CACNA2D3: variants seen among roughly 807,000 people sequenced by gnomAD.
CACNA2D3 encodes voltage-dependent calcium channel subunit alpha-2/delta-3.
A neutral mutation model predicts 160.6 loss-of-function variants in CACNA2D3; 60 were observed. That is an observed-to-expected ratio of 0.37 (90% confidence interval 0.30 to 0.46). The LOEUF is 0.46. Among genes scored for constraint, CACNA2D3 ranks in the 20% least tolerant of loss-of-function variants. The pLI is 1.00. For missense variants in CACNA2D3, 1,205 were observed against 1,365.0 expected, an observed-to-expected ratio of 0.88 and a Z score of 1.85; for synonymous variants, 558 against 492.9, an observed-to-expected ratio of 1.13 and a Z score of -1.75.
intron 2 of CACNA2D3, among the ~76,000 whole-genome samples, chr3:54,139,013 C>T (rs1281935165): frequency 6.6e-6 from 1 of 152,176 alleles, no homozygotes; most frequent in East Asian, 1.9e-4. Flanking sequence ...GGCCTGGGGT[C>T]TGGACGTCCA....
chr3:54,292,791 G>T (rs995642733), intron 2 of CACNA2D3, among the ~76,000 whole-genome samples: 1 of 152,170 alleles, frequency 6.6e-6, no homozygotes, highest in African/African-American at 2.4e-5. Context: ...GTTAAATATA[G>T]AGTTACCATC....
chr3:54,988,897 C>A (rs1702677982), intron 31 of CACNA2D3, among the ~76,000 whole-genome samples: 1 of 152,204 alleles, frequency 6.6e-6, no homozygotes, highest in African/African-American at 2.4e-5. Context: ...TCAGGCCTGC[C>A]TGTAGCAGAT....
chr3:54,399,676 C>G (rs1699411538), intron 4 of CACNA2D3, among the ~76,000 whole-genome samples: 3 of 27,200 alleles, frequency 1.1e-4, no homozygotes, highest in Non-Finnish European at 2.0e-4. Flanking sequence ...TCTGCCCGTT[C>G]TCAGATCTCC....
chr3:54,883,230 G>T (rs575986194), intron 21 of CACNA2D3, among the ~76,000 whole-genome samples: 24 of 152,268 alleles, frequency 1.6e-4, no homozygotes, highest in African/African-American at 5.5e-4. Context: ...CACCATGTTG[G>T]TTAGACTGGT....
intron 5 of CACNA2D3, among the ~76,000 whole-genome samples, chr3:54,514,104 A>C (rs536028121): frequency 6.6e-6 from 1 of 152,250 alleles, no homozygotes; most frequent in Non-Finnish European, 1.5e-5. Context: ...TTACATAAAC[A>C]CTTCCAATTT....
chr3:54,204,323 G>A (rs1202684083), intron 2 of CACNA2D3, among the ~76,000 whole-genome samples: 2 of 152,046 alleles, frequency 1.3e-5, no homozygotes, highest in Non-Finnish European at 2.9e-5. Flanking sequence ...ATGTGTGTGT[G>A]TGTATATACC....
intron 4 of CACNA2D3, among the ~76,000 whole-genome samples, chr3:54,402,908 A>T (rs1373577002): frequency 6.6e-6 from 1 of 152,220 alleles, no homozygotes; most frequent in East Asian, 1.9e-4. Context: ...AAACTTAAGA[A>T]GATTGGAATC....
intron 2 of CACNA2D3, among the ~76,000 whole-genome samples, chr3:54,274,243 A>G (rs7624800): frequency 0.13 from 19,974 of 151,502 alleles, 1,613 homozygotes; most frequent in East Asian, 0.27. Context: ...AAATACGGAA[A>G]TGTATAAAGT....
At chr3:54,303,616 A>C (rs1199896317) in intron 2 of CACNA2D3, among the ~76,000 whole-genome samples, 2 of 152,126 alleles carry the variant, frequency 1.3e-5, no homozygotes, top group Non-Finnish European at 2.9e-5. Flanking sequence ...CCAGGGTGTT[A>C]ACTCTGCAAG....
chr3:54,276,585 A>AG (rs1261652874), intron 2 of CACNA2D3, among the ~76,000 whole-genome samples: 11 of 137,536 alleles, frequency 8.0e-5, no homozygotes, highest in South Asian at 2.6e-4. Context: ...AAAAAAAAAA[A>AG]AAAAAGAAGA....
intron 2 of CACNA2D3, among the ~76,000 whole-genome samples, chr3:54,161,186 A>G (rs974578709): frequency 6.6e-6 from 1 of 152,218 alleles, no homozygotes; most frequent in Admixed American, 6.5e-5. Flanking sequence ...ATTACTAACC[A>G]GCAATGACCA....
chr3:54,724,388 G>T (rs941643554), intron 11 of CACNA2D3, among the ~76,000 whole-genome samples: 1 of 152,102 alleles, frequency 6.6e-6, no homozygotes, highest in Non-Finnish European at 1.5e-5. Context: ...GGATATTCAG[G>T]ACTTGAACTC....
intron 2 of CACNA2D3, among the ~76,000 whole-genome samples, chr3:54,188,233 AAACAAACAAAC>A (rs1426271811): frequency 2.0e-4 from 4 of 19,606 alleles, no homozygotes; most frequent in African/African-American, 9.1e-4. Context: ...ACTTAAAAAC[AAACAAACAAAC>A]AAACAAACAA....
chr3:54,979,857 G>A (rs978566170), intron 29 of CACNA2D3, among the ~76,000 whole-genome samples: 4 of 152,146 alleles, frequency 2.6e-5, no homozygotes, highest in African/African-American at 9.7e-5. Context: ...GACAACAGTT[G>A]TCTGTGGATG....
chr3:54,299,764 A>G (rs1215029260), intron 2 of CACNA2D3, among the ~76,000 whole-genome samples: 1 of 152,234 alleles, frequency 6.6e-6, no homozygotes, highest in Non-Finnish European at 1.5e-5. Context: ...ACAAAAGGAG[A>G]CATTATAGAA....
intron 11 of CACNA2D3, among the ~76,000 whole-genome samples, chr3:54,745,981 T>A (rs1258418651): frequency 6.6e-6 from 1 of 152,226 alleles, no homozygotes; most frequent in African/African-American, 2.4e-5. Flanking sequence ...ATTCAATTTA[T>A]CCCATTTTAT....
intron 21 of CACNA2D3, among the ~76,000 whole-genome samples, chr3:54,883,829 T>TCTCTCTCCTCC (rs753661413): frequency 6.9e-6 from 1 of 145,704 alleles, no homozygotes; most frequent in African/African-American, 2.6e-5. Context: ...CTCTCCTCTC[T>TCTCTCTCCTCC]CTCCCTTCAA....
chr3:54,467,979 C>T (rs566022311), intron 4 of CACNA2D3, among the ~76,000 whole-genome samples: 43 of 152,224 alleles, frequency 2.8e-4, no homozygotes, highest in African/African-American at 9.6e-4. Flanking sequence ...AACATCACAT[C>T]ATATTGTGTA....
intron 4 of CACNA2D3, among the ~76,000 whole-genome samples, chr3:54,442,874 A>G (rs928292155): frequency 6.6e-5 from 10 of 152,158 alleles, no homozygotes; most frequent in African/African-American, 2.4e-4. Context: ...ATGAGTCGCT[A>G]TTTGAGATGA....
Sources: gnomAD v4.1 joint callset for allele counts (sites outside exome capture counted in the v4.1 genomes callset) on GRCh38, gnomAD v4.1.1 for gene constraint, MANE v1.5 for transcripts, NCBI Gene and HGNC (gene_info 2026-07-23, HGNC 2026-07-21) for gene names.